The following LIN9 variants were observed in gnomAD, a reference collection of about 807,000 sequenced individuals.
LIN9 encodes the protein protein lin-9 homolog.
In LIN9, 18 loss-of-function variants were observed where a neutral mutation model predicts 78.0. The ratio of observed to expected loss-of-function variants is 0.23; its 90% CI spans 0.16 to 0.34. The LOEUF is 0.34. Among genes scored for constraint, LIN9 ranks in the 10% least tolerant of loss-of-function variants. The pLI, the probability that LIN9 is intolerant of heterozygous loss-of-function variation, is 1.00. For missense variants in LIN9, 451 were observed against 644.1 expected, an observed-to-expected ratio of 0.70 and a Z score of 3.25; for synonymous variants, 192 against 215.2, an observed-to-expected ratio of 0.89 and a Z score of 0.94.
At position 226,295,868 on chromosome 1, in the gene LIN9, T is replaced by C. The variant is rs755516168; in HGVS notation, c.238A>G (p.Asn80Asp). 6.2e-7 allele frequency: 1 copy of C among 1,612,218 alleles called. No homozygotes were observed. Among genetic ancestry groups the C allele is most frequent in the South Asian group, 1.1e-5 (1 of 90,436 alleles). The change falls in exon 4 of 15, where the codon AAC (asparagine) becomes GAC (aspartate). Residue 80 changes from asparagine to aspartate, a missense_variant. By Grantham distance (23) the Asn-to-Asp change is conservative. Coordinates refer to ENST00000681046, the MANE Select transcript of LIN9 (RefSeq NM_001366245.2). ...RQINTRSPKR[N>D]QRVAMVPQKF... ...TGTGGAACCATTGCAACCCTCTGGT[T>C]TCTTTTAGGTGACCTTGTATTTATT...
chr1:226,274,381 T>TACATA (rs1477958933), intron 7 of LIN9, among the ~76,000 whole-genome samples: 1 of 152,218 alleles, frequency 6.6e-6, no homozygotes, highest in Non-Finnish European at 1.5e-5. Flanking sequence ...GTGCTCCTCT[T>TACATA]ACATAATATG....
At chr1:226,309,227 C>A (rs370945371), upstream of LIN9, 1 of 1,425,052 alleles carries the variant, frequency 7.0e-7, no homozygotes, top group Non-Finnish European at 9.3e-7. Context: ...GGTTCGAATG[C>A]GGAGCTCGCT....
chr1:226,303,859 G>A (rs1338453439), intron 1 of LIN9, among the ~76,000 whole-genome samples: 1 of 152,236 alleles, frequency 6.6e-6, no homozygotes, highest in East Asian at 1.9e-4. Context: ...ACCCGGCTCG[G>A]CCTCCCAAAG....
At chr1:226,249,554 A>C (rs1190097434) in intron 11 of LIN9, among the ~76,000 whole-genome samples, 1 of 152,128 alleles carries the variant, frequency 6.6e-6, no homozygotes, top group African/African-American at 2.4e-5. Context: ...TTCTTTATTC[A>C]CTTAGGTATC....
chr1:226,232,611 A>C lies in LIN9; in HGVS notation c.1524-5T>G. The C allele has an allele frequency of 6.4e-7, 1 of 1,561,440 alleles. No homozygotes were observed. On this transcript the variant is annotated splice_region_variant and splice_polypyrimidine_tract_variant and intron_variant, in intron 14 of 14. Coordinates refer to ENST00000681046, the MANE Select transcript of LIN9 (RefSeq NM_001366245.2). ...TCTACATTATTCTGAAAGCAACTAAAGAAAGAAGAAACATGGTTAACTACT... is the reference window on the plus strand; with the variant it reads ...TCTACATTATTCTGAAAGCAACTAACGAAAGAAGAAACATGGTTAACTACT...
At chr1:226,296,233 T>G (rs1223626085) in intron 3 of LIN9, among the ~76,000 whole-genome samples, 3 of 152,196 alleles carry the variant, frequency 2.0e-5, no homozygotes, top group Non-Finnish European at 4.4e-5. Context: ...TGGACAGTGA[T>G]GATAGGAAAA....
At chr1:226,254,797 G>A (rs1024907713) in intron 10 of LIN9, among the ~76,000 whole-genome samples, 2 of 151,616 alleles carry the variant, frequency 1.3e-5, no homozygotes, top group African/African-American at 2.4e-5. Flanking sequence ...TGTAGTCCCA[G>A]CTACTCGGGA....
At position 226,265,423 on chromosome 1, in the gene LIN9, A is replaced by G; in HGVS notation, c.1038+110T>C. On this transcript the variant is annotated intron_variant, in intron 10 of 14. Transcript: ENST00000681046. The surrounding 1 kb of genome is among the most constrained non-coding windows in gnomAD (Gnocchi z 4.1). Reference sequence around the variant, plus strand: ...CTTTGTTGGAAATAGCAGCTCTTAAAACCTACACGGTGATAAACCTACACG... The same window carrying G: ...CTTTGTTGGAAATAGCAGCTCTTAAGACCTACACGGTGATAAACCTACACG... 1 of 546,444 alleles carries G rather than the reference A, an allele frequency of 1.8e-6. No individual in the cohort carries two copies. The highest frequency in any genetic ancestry group is 3.2e-6 in the Non-Finnish European group (1 of 308,570). 33.8% of individuals were successfully genotyped at this position (546,444 alleles called of 1,614,324 possible).
At chr1:226,279,778 A>AG (rs1287573067) in intron 6 of LIN9, among the ~76,000 whole-genome samples, 1 of 151,422 alleles carries the variant, frequency 6.6e-6, no homozygotes, top group East Asian at 1.9e-4. Flanking sequence ...TGAAAAAAAA[A>AG]AAAAAAAAAG....
chr1:226,289,838 GGGGGGGGT>G (rs1228935565), intron 4 of LIN9, among the ~76,000 whole-genome samples: 2 of 59,168 alleles, frequency 3.4e-5, no homozygotes, highest in African/African-American at 6.5e-5. Context: ...GTCCTCCGGG[GGGGGGGGT>G]GGGGGGGGGT....
intron 7 of LIN9, among the ~76,000 whole-genome samples, chr1:226,275,448 C>G (rs1660583086): frequency 6.6e-6 from 1 of 152,086 alleles, no homozygotes; most frequent in African/African-American, 2.4e-5. Context: ...GTAATCCCAG[C>G]ACTTTGGGAG....
intron 12 of LIN9, among the ~76,000 whole-genome samples, chr1:226,238,275 G>A (rs1287349443): frequency 6.6e-6 from 1 of 152,102 alleles, no homozygotes; most frequent in Non-Finnish European, 1.5e-5. Context: ...GAAAAAGCAG[G>A]TATTGTTTAA....
At chr1:226,235,128 T>A (rs1221047576) in intron 12 of LIN9, among the ~76,000 whole-genome samples, 6 of 149,084 alleles carry the variant, frequency 4.0e-5, no homozygotes, top group Admixed American at 3.3e-4. Flanking sequence ...AGGTCAGGAG[T>A]TCAAGACCAG....
At chr1:226,272,748 T>C (rs1402555829) in intron 7 of LIN9, among the ~76,000 whole-genome samples, 1 of 151,998 alleles carries the variant, frequency 6.6e-6, no homozygotes, top group Non-Finnish European at 1.5e-5. Context: ...CAGAACATGT[T>C]CTATATAAAG....
chr1:226,290,447 T>C (rs1661689756), intron 4 of LIN9, among the ~76,000 whole-genome samples: 1 of 151,862 alleles, frequency 6.6e-6, no homozygotes, highest in Admixed American at 6.6e-5. Flanking sequence ...TTCACGCCAT[T>C]CTCCTGTCTC....
intron 1 of LIN9, among the ~76,000 whole-genome samples, chr1:226,301,557 C>T (rs768191757): frequency 6.6e-6 from 1 of 152,000 alleles, no homozygotes; most frequent in Non-Finnish European, 1.5e-5. Flanking sequence ...GAAAGGGAAC[C>T]GACATCCATT....
At chr1:226,248,745 CAT>C (rs1004573004) in intron 11 of LIN9, among the ~76,000 whole-genome samples, 4 of 152,082 alleles carry the variant, frequency 2.6e-5, no homozygotes, top group Middle Eastern at 3.4e-3. Flanking sequence ...TATAAATAAA[CAT>C]ATTTATAACA....
intron 7 of LIN9, among the ~76,000 whole-genome samples, chr1:226,272,128 C>T (rs1660320729): frequency 6.7e-6 from 1 of 149,798 alleles, no homozygotes; most frequent in Non-Finnish European, 1.5e-5. Context: ...GAGATCTTGG[C>T]TCGCTGCAAC....
intron 2 of LIN9, among the ~76,000 whole-genome samples, chr1:226,299,068 T>C (rs1320317098): frequency 6.6e-6 from 1 of 152,200 alleles, no homozygotes; most frequent in African/African-American, 2.4e-5. Flanking sequence ...AGTTTAATTT[T>C]TGTAAAAAAG....
Sources: allele counts gnomAD v4.1 joint callset (sites outside exome capture counted in the v4.1 genomes callset), GRCh38; gene constraint gnomAD v4.1.1; non-coding constraint Gnocchi (gnomAD v3.1); transcripts MANE v1.5; gene names NCBI Gene and HGNC (gene_info 2026-07-23, HGNC 2026-07-21).